The following HGS variants were observed in gnomAD, a reference collection of about 807,000 sequenced individuals.
The protein encoded by HGS is human growth factor-regulated tyrosine kinase substrate.
HGS carries 63 observed loss-of-function variants against 109.7 expected under a neutral mutation model. The observed-to-expected ratio is 0.57, with a 90% CI of 0.47 to 0.71. HGS has a LOEUF of 0.71. Among genes scored for constraint, HGS ranks in the 30% least tolerant of loss-of-function variants. The pLI, the probability that HGS is intolerant of heterozygous loss-of-function variation, is 0.00. For synonymous variants in HGS, 546 were observed against 437.3 expected (o/e 1.25, Z -3.10); for missense variants, 995 against 1,068.3 (o/e 0.93, Z 0.96).
At position 81,690,387 on chromosome 17, in the gene HGS, C is replaced by T. The variant is rs1288415831; in HGVS notation, c.468+153C>T. ...CTGTGTGTCCTGGGCGGAGGCGTAG[C>T]AGCTGTCTCTGCAGGGCGAGGTGGA... On this transcript the variant is annotated intron_variant, in intron 6 of 21. Transcript: ENST00000329138. The T allele has an allele frequency of 3.7e-6, 3 of 812,674 alleles. No individual in the cohort carries two copies. In the African/African-American group the frequency reaches 5.1e-5, roughly 14 times the overall value. 50.3% of individuals were successfully genotyped at this position (812,674 alleles called of 1,614,324 possible).
At chr17:81,684,383 G>A (rs1374552179) in intron 1 of HGS, 2 of 336,618 alleles carry the variant, frequency 5.9e-6, no homozygotes, top group Non-Finnish European at 1.1e-5. Flanking sequence ...CCGGGCATTC[G>A]GCCGATTTCC....
chr17:81,685,248 C>T (rs1048358668), intron 1 of HGS, among the ~76,000 whole-genome samples: 12 of 152,184 alleles, frequency 7.9e-5, no homozygotes, highest in Non-Finnish European at 1.5e-4. Flanking sequence ...TGATAGGGTT[C>T]TTTGTTGAGA....
intron 15 of HGS, 161 bp downstream of exon 15, chr17:81,696,160 A>ATCATG (rs2037142881): frequency 1.2e-6 from 1 of 819,348 alleles, no homozygotes; most frequent in African/African-American, 1.9e-5. Flanking sequence ...CTCAGTGATG[A>ATCATG]CCATGCCCTG....
At chr17:81,692,212 G>C (rs530916722) in intron 8 of HGS, 1 of 152,626 alleles carries the variant, frequency 6.6e-6, no homozygotes, top group Non-Finnish European at 1.5e-5. Context: ...CAGCAGCGTC[G>C]CTGTGGGTCT....
chr17:81,686,826 CCCTCCGG>C (rs1231567221), intron 3 of HGS, among the ~76,000 whole-genome samples, 170 bp from the exon 4 acceptor site: 3 of 148,254 alleles, frequency 2.0e-5, no homozygotes, highest in African/African-American at 7.8e-5. Context: ...CACCGGGTTC[CCCTCCGG>C]CCACTGACGG....
chr17:81,701,526 C>G lies in HGS; in HGVS notation c.2242C>G (p.Pro748Ala), dbSNP rs763182466. Residue 748 changes from proline (P) to alanine (A), a missense_variant, in exon 22 of 22, where the codon CCC becomes GCC. Pro to Ala is a conservative substitution (Grantham distance 27). Around this residue, in one of 6 missense-constraint regions of HGS, gnomAD observed 326 missense variants for 309.7 expected, o/e 1.05. Transcript: ENST00000329138. ...MYQQMAPSGG[P>A]PQQQPPVAQQ... ...TGCACAGATGGCACCCTCTGGCGGTCCCCCCCAGCAGCAGCCCCCCGTGGC... is the reference window on the plus strand; with the variant it reads ...TGCACAGATGGCACCCTCTGGCGGTGCCCCCCAGCAGCAGCCCCCCGTGGC... 1.3e-6 allele frequency: 2 copies of G among 1,559,910 alleles called. No individual in the cohort carries two copies. Among genetic ancestry groups the G allele is most frequent in the South Asian group, 1.2e-5 (1 of 86,028 alleles).
intron 6 of HGS, 123 bp from the exon 7 acceptor site, chr17:81,690,551 A>G (rs2037047794): frequency 3.2e-6 from 3 of 930,850 alleles, no homozygotes; most frequent in South Asian, 1.7e-5. Flanking sequence ...CGCCCGGGGC[A>G]TTGCTCTCGC....
Position 81,688,556 on chromosome 17 carries a change from G to GC in HGS, c.292-143dup, listed in dbSNP as rs1246972977. On this transcript the variant is annotated intron_variant, in intron 4 of 21. Transcript: ENST00000329138. ...GGGTCTGGGAACAGGTTGGTGCATG[G>GC]CCCCCACGCCCCACTCGGGGGGCCC... 5 of 916,398 alleles carry GC rather than the reference G, an allele frequency of 5.5e-6. No homozygotes were observed. The African/African-American group carries it at 6.7e-5, about 12-fold the overall frequency. The allele number at this position is 916,398 out of a possible 1,614,324, so 56.8% of individuals were successfully genotyped here.
intron 1 of HGS, chr17:81,685,161 C>T (rs953200132): frequency 2.2e-5 from 15 of 691,208 alleles, no homozygotes; most frequent in Middle Eastern, 7.2e-4. Flanking sequence ...ACACTGCAGG[C>T]CTCTCTAGCC....
chr17:81,700,092 C>T (rs764207868), intron 18 of HGS, among the ~76,000 whole-genome samples: 5 of 124,038 alleles, frequency 4.0e-5, no homozygotes, highest in Admixed American at 3.3e-4. Flanking sequence ...CTCGGCCGGG[C>T]GCGGTGGCTC....
At position 81,701,578 on chromosome 17, in the gene HGS, C is replaced by A. The variant is rs774796349; in HGVS notation, c.2294C>A (p.Pro765Gln). The part of the protein sequence containing the change: ...VAQQPQAQGP[P>Q]AQGSEAQLIS... ...CAGCAACCGCAGGCACAGGGGCCGC[C>A]GGCACAGGGCAGCGAGGCCCAGCTC... Residue 765 changes from proline to glutamine, a missense_variant, in exon 22 of 22, where the codon CCG (proline) becomes CAG (glutamine). Coordinates refer to ENST00000329138, the MANE Select transcript of HGS (RefSeq NM_004712.5). The A allele has an allele frequency of 6.4e-7, 1 of 1,570,740 alleles. No individual in the cohort carries two copies. Among genetic ancestry groups the A allele is most frequent in the South Asian group, 1.2e-5 (1 of 86,898 alleles).
chr17:81,700,967 G>T (rs578141832), intron 20 of HGS, 78 bp from the exon 21 acceptor site: 2 of 1,548,014 alleles, frequency 1.3e-6, no homozygotes, highest in East Asian at 4.5e-5. Flanking sequence ...GTCACCTTTG[G>T]ATTGTTGCAA....
At chr17:81,690,544 C>CCGCG in intron 6 of HGS, 130 bp from the exon 7 acceptor site, 1 of 882,756 alleles carries the variant, frequency 1.1e-6, no homozygotes. Context: ...GAAGGGCCGC[C>CCGCG]CGGGGCATTG....
chr17:81,685,149 C>A, intron 1 of HGS: 1 of 799,436 alleles, frequency 1.3e-6, no homozygotes, highest in Non-Finnish European at 1.5e-6. Context: ...GGCCTGGAGT[C>A]TACACTGCAG....
At chr17:81,688,641 C>T in intron 4 of HGS, 63 bp from the exon 5 acceptor site, 1 of 1,595,348 alleles carries the variant, frequency 6.3e-7, no homozygotes, top group Non-Finnish European at 8.5e-7. Context: ...GCTGCTTCCT[C>T]ACACCGAGGC....
chr17:81,700,692 C>A lies in HGS; in HGVS notation c.2017-3C>A. On this transcript the variant is annotated splice_region_variant and splice_polypyrimidine_tract_variant and intron_variant, in intron 19 of 21. Transcript: ENST00000329138. ...TCTCCCATGGCACTCATTCCCTCCG[C>A]AGAACGTGGCCTCCCAGGCCCCACA... is the stretch of plus-strand genomic sequence containing the variant. 1 of 1,609,398 alleles carries A rather than the reference C, an allele frequency of 6.2e-7. No individual in the cohort carries two copies. The highest frequency in any genetic ancestry group is 8.5e-7 in the Non-Finnish European group (1 of 1,178,168).
At chr17:81,686,471 G>C (rs183927625) in intron 3 of HGS, 84 bp downstream of exon 3, 124 of 1,003,334 alleles carry the variant, frequency 1.2e-4, no homozygotes, top group African/African-American at 1.1e-3. Flanking sequence ...TTGTCCTGTG[G>C]CCTTGCCCAC....
At chr17:81,684,145 C>T in intron 1 of HGS, 42 bp downstream of exon 1, 8 of 1,476,178 alleles carry the variant, frequency 5.4e-6, no homozygotes, top group Non-Finnish European at 6.3e-6. Flanking sequence ...GGTCAGCCCG[C>T]AGCCTCCGCC....
chr17:81,690,529 G>T (rs181151648), intron 6 of HGS, 145 bp from the exon 7 acceptor site: 1 of 745,726 alleles, frequency 1.3e-6, no homozygotes, highest in Non-Finnish European at 2.1e-6. Context: ...AGGCCACGCC[G>T]CTGGGAAGGG....
Sources: allele counts gnomAD v4.1 joint callset (sites outside exome capture counted in the v4.1 genomes callset), GRCh38; gene constraint gnomAD v4.1.1; regional missense constraint gnomAD v4.1.1; transcripts MANE v1.5; gene names NCBI Gene and HGNC (gene_info 2026-07-23, HGNC 2026-07-21).